Variants in CPE observed in about 807,000 individuals in gnomAD.
CPE encodes the protein carbocypeptidase E.
CPE carries 17 observed loss-of-function variants against 53.5 expected under a neutral mutation model. The observed-to-expected ratio is 0.32, with a 90% confidence interval of 0.22 to 0.48. CPE has a LOEUF of 0.48. Ranked by LOEUF, CPE falls within the 20% of genes least tolerant of loss-of-function variation. The pLI is 0.99. For missense variants in CPE, 524 were observed against 614.7 expected, an observed-to-expected ratio of 0.85 and a Z score of 1.56; for synonymous variants, 226 against 228.8, an observed-to-expected ratio of 0.99 and a Z score of 0.11.
At chr4:165,467,410 A>G (rs944935254) in intron 2 of CPE, among the ~76,000 whole-genome samples, 1 of 152,244 alleles carries the variant, frequency 6.6e-6, no homozygotes, top group African/African-American at 2.4e-5. Flanking sequence ...GTCACTAGGC[A>G]ATAGGAATTT....
chr4:165,490,246 TTAGAG>T (rs922057806), intron 6 of CPE, among the ~76,000 whole-genome samples: 1 of 152,206 alleles, frequency 6.6e-6, no homozygotes, highest in African/African-American at 2.4e-5. Context: ...GTAAAGCTAA[TTAGAG>T]TAGAGAGTCT....
At chr4:165,414,472 A>G (rs1435038137) in intron 1 of CPE, among the ~76,000 whole-genome samples, 1 of 152,164 alleles carries the variant, frequency 6.6e-6, no homozygotes, top group African/African-American at 2.4e-5. Flanking sequence ...TGTAGTTTCG[A>G]ATGTAAGAAA....
At chr4:165,418,499 G>T (rs1490101915) in intron 1 of CPE, among the ~76,000 whole-genome samples, 1 of 152,196 alleles carries the variant, frequency 6.6e-6, no homozygotes, top group East Asian at 1.9e-4. Flanking sequence ...AGGGAAGGGT[G>T]ATAGCACACA....
At chr4:165,382,854 C>A (rs1037022782) in intron 1 of CPE, among the ~76,000 whole-genome samples, 4 of 152,154 alleles carry the variant, frequency 2.6e-5, no homozygotes, top group African/African-American at 9.7e-5. Context: ...CTTTTGAATT[C>A]ATCAAAAGGC....
At chr4:165,458,393 T>C (rs1225093365) in intron 1 of CPE, among the ~76,000 whole-genome samples, 1 of 152,174 alleles carries the variant, frequency 6.6e-6, no homozygotes, top group African/African-American at 2.4e-5. Context: ...TGTCACCAGC[T>C]CCAAGAATTA....
chr4:165,481,012 ATATATTTT>A (rs1331395930), intron 3 of CPE, among the ~76,000 whole-genome samples: 8 of 50,074 alleles, frequency 1.6e-4, no homozygotes, highest in African/African-American at 3.6e-4. Context: ...ATATATATAT[ATATATTTT>A]TTTTTTTTTT....
intron 5 of CPE, 136 bp from the exon 6 acceptor site, chr4:165,487,302 C>T (rs1732521888): frequency 4.3e-6 from 5 of 1,164,594 alleles, no homozygotes; most frequent in Non-Finnish European, 6.1e-6. Context: ...AGATGATTTC[C>T]CTTAAGTTTT....
chr4:165,483,173 G>C (rs1242159140), intron 4 of CPE, among the ~76,000 whole-genome samples: 1 of 151,894 alleles, frequency 6.6e-6, no homozygotes, highest in African/African-American at 2.4e-5. Context: ...GGAGTCCCCA[G>C]GGTCTATTAT....
At position 165,467,734 on chromosome 4, in the gene CPE, G is replaced by A. The variant is rs1432828537; in HGVS notation, c.551G>A (p.Gly184Glu). The change falls in exon 3 of 9, where the codon GGA (glycine) becomes GAA (glutamate). Residue 184 changes from glycine to glutamate, a missense_variant. Coordinates refer to ENST00000402744, the MANE Select transcript of CPE (RefSeq NM_001873.4). ...TTTGTGGGTCGAAGCAATGCCCAGG[G>A]AATAGATCTGAACCGGAACTTTCCA... ...DWFVGRSNAQ[G>E]IDLNRNFPDL... is the part of the protein sequence containing the mutation. The A allele has an allele frequency of 5.0e-6, 8 of 1,613,402 alleles. No homozygotes were observed. The highest frequency in any genetic ancestry group is 6.8e-6 in the Non-Finnish European group (8 of 1,179,708).
At chr4:165,455,211 T>C (rs549945327) in intron 1 of CPE, among the ~76,000 whole-genome samples, 2 of 152,376 alleles carry the variant, frequency 1.3e-5, no homozygotes, top group South Asian at 4.1e-4. Flanking sequence ...ACTCGAATCA[T>C]AGTTGCTGCC....
rs1049050392 is a variant in CPE at position 165,379,180 on chromosome 4, G to A, written c.-42G>A. On this transcript the variant is annotated 5_prime_UTR_variant, in exon 1 of 9. Coordinates refer to ENST00000402744, the MANE Select transcript of CPE (RefSeq NM_001873.4). This position sits in a 1 kb window ranked among gnomAD's most constrained non-coding sequence, Gnocchi z 6.0. ...CAGGGCCGGGCAGACAAAAGAGGCCGCCCGCGTAGGAAGGCACGGCCGGCG... is the reference window on the plus strand; with the variant it reads ...CAGGGCCGGGCAGACAAAAGAGGCCACCCGCGTAGGAAGGCACGGCCGGCG... The A allele has an allele frequency of 1.5e-5, 18 of 1,219,758 alleles. No homozygotes were observed. In the African/African-American group the frequency reaches 2.4e-4, roughly 16 times the overall value. 75.6% of individuals were successfully genotyped at this position (1,219,758 alleles called of 1,614,324 possible). A position where few individuals can be genotyped will look rare whatever the true frequency, so the allele number is the denominator to read the frequency against.
At chr4:165,395,901 G>C (rs1475463416) in intron 1 of CPE, among the ~76,000 whole-genome samples, 1 of 152,190 alleles carries the variant, frequency 6.6e-6, no homozygotes, top group Non-Finnish European at 1.5e-5. Flanking sequence ...GGCTAATTCT[G>C]ATAGTAAGAG....
chr4:165,385,427 T>TG (rs1202327129), intron 1 of CPE, among the ~76,000 whole-genome samples: 1 of 149,042 alleles, frequency 6.7e-6, no homozygotes, highest in African/African-American at 2.5e-5. Flanking sequence ...GTTTTATTTT[T>TG]GTTCACAAAT....
intron 1 of CPE, among the ~76,000 whole-genome samples, chr4:165,424,719 A>G (rs1731287635): frequency 6.6e-6 from 1 of 151,778 alleles, no homozygotes; most frequent in Admixed American, 6.6e-5. Flanking sequence ...TATTTTTAGT[A>G]GAGACGGGGT....
intron 6 of CPE, among the ~76,000 whole-genome samples, chr4:165,488,872 A>G (rs1213690979): frequency 2.0e-5 from 3 of 152,050 alleles, no homozygotes; most frequent in Admixed American, 6.6e-5. Flanking sequence ...AAGAAGAAGA[A>G]GCAAAATCAG....
chr4:165,402,548 C>T (rs778669108), intron 1 of CPE, among the ~76,000 whole-genome samples: 2 of 152,102 alleles, frequency 1.3e-5, no homozygotes, highest in African/African-American at 2.4e-5. Flanking sequence ...GGTGAGTTCT[C>T]GCGAGATCTG....
At chr4:165,405,444 C>T (rs77038092) in intron 1 of CPE, 125,342 of 858,234 alleles carry the variant, frequency 0.15, 9,961 homozygotes, top group Middle Eastern at 0.21. Context: ...GTCTTTACCA[C>T]ATCAATTATT....
At chr4:165,426,688 C>T (rs544721656) in intron 1 of CPE, among the ~76,000 whole-genome samples, 1 of 152,332 alleles carries the variant, frequency 6.6e-6, no homozygotes, top group Non-Finnish European at 1.5e-5. Flanking sequence ...AATACACATG[C>T]ACACTCACCG....
chr4:165,406,523 C>T (rs1730957514), intron 1 of CPE, among the ~76,000 whole-genome samples: 2 of 152,108 alleles, frequency 1.3e-5, no homozygotes, highest in African/African-American at 4.8e-5. Flanking sequence ...AAACTTGTCT[C>T]TTTTATTAAA....
Sources: allele counts gnomAD v4.1 joint callset (sites outside exome capture counted in the v4.1 genomes callset), GRCh38; gene constraint gnomAD v4.1.1; non-coding constraint Gnocchi (gnomAD v3.1); transcripts MANE v1.5; gene names NCBI Gene and HGNC (gene_info 2026-07-23, HGNC 2026-07-21).